Variants in ZMYND11 observed in about 807,000 individuals in gnomAD.
ZMYND11 encodes the protein zinc finger MYND domain-containing protein 11.
Under a neutral mutation model 84.9 loss-of-function variants are expected in ZMYND11, and 9 were observed. The observed-to-expected ratio is 0.11, with a 90% confidence interval of 0.06 to 0.18. The LOEUF (loss-of-function observed/expected upper bound fraction) is 0.18. Among genes scored for constraint, ZMYND11 ranks in the 10% least tolerant of loss-of-function variants. The pLI is 1.00. For missense variants in ZMYND11, 409 were observed against 761.0 expected (o/e 0.54, Z 5.44); for synonymous variants, 250 against 244.1 (o/e 1.02, Z -0.23).
intron 4 of ZMYND11, among the ~76,000 whole-genome samples, chr10:233,817 C>T (rs1280978736): frequency 6.6e-6 from 1 of 152,190 alleles, no homozygotes; most frequent in Non-Finnish European, 1.5e-5. Flanking sequence ...TTAAGGCACT[C>T]AGCATGAACT....
At chr10:200,386 CAA>C (rs1444974304) in intron 2 of ZMYND11, among the ~76,000 whole-genome samples, 1 of 142,876 alleles carries the variant, frequency 7.0e-6, no homozygotes, top group Admixed American at 7.1e-5. Flanking sequence ...GTATATATAA[CAA>C]TATATATTAT....
intron 1 of ZMYND11, among the ~76,000 whole-genome samples, chr10:165,386 A>G (rs1334713994): frequency 6.6e-5 from 10 of 152,066 alleles, no homozygotes; most frequent in African/African-American, 2.2e-4. Flanking sequence ...TCTAATCTAC[A>G]TTTATGGTTT....
intron 2 of ZMYND11, among the ~76,000 whole-genome samples, chr10:204,509 T>G (rs989701810): frequency 6.6e-6 from 1 of 152,186 alleles, no homozygotes; most frequent in African/African-American, 2.4e-5. Context: ...TTTAAATTAC[T>G]TAAAAAAGCA....
intron 4 of ZMYND11, 69 bp from the exon 5 acceptor site, chr10:236,769 C>G: frequency 7.3e-7 from 1 of 1,363,402 alleles, no homozygotes; most frequent in Non-Finnish European, 1.0e-6. Flanking sequence ...TCATATATGT[C>G]TTTTACATGA....
intron 1 of ZMYND11, among the ~76,000 whole-genome samples, chr10:175,978 C>G (rs1044659462): frequency 6.6e-6 from 1 of 152,224 alleles, no homozygotes; most frequent in South Asian, 2.1e-4. Flanking sequence ...TCCCTGCACC[C>G]TCAACTGTTC....
At chr10:166,465 A>G (rs1844044342) in intron 1 of ZMYND11, among the ~76,000 whole-genome samples, 1 of 152,102 alleles carries the variant, frequency 6.6e-6, no homozygotes, top group Non-Finnish European at 1.5e-5. Context: ...AGACATATAT[A>G]CATATCCAAT....
intron 4 of ZMYND11, among the ~76,000 whole-genome samples, chr10:236,556 T>C (rs999836888): frequency 6.6e-6 from 1 of 152,350 alleles, no homozygotes; most frequent in East Asian, 1.9e-4. Context: ...TATTTGTTTA[T>C]CTAAAAATTA....
intron 3 of ZMYND11, among the ~76,000 whole-genome samples, chr10:210,275 A>G (rs1944965843): frequency 6.6e-6 from 1 of 152,242 alleles, no homozygotes; most frequent in African/African-American, 2.4e-5. Flanking sequence ...CCTTGAATCT[A>G]AAAAAGAAAG....
intron 4 of ZMYND11, among the ~76,000 whole-genome samples, chr10:233,200 C>A (rs547670536): frequency 1.4e-4 from 21 of 147,216 alleles, no homozygotes; most frequent in African/African-American, 4.8e-4. Flanking sequence ...CCTGAGACAT[C>A]GGTGGGCTTT....
chr10:238,151 A>G lies in ZMYND11; in HGVS notation c.609+474A>G, dbSNP rs182398015. 2.6e-4 allele frequency among the ~76,000 whole-genome samples: 40 copies of G among 152,358 alleles called. No homozygotes were observed. In the East Asian group the frequency reaches 7.7e-3, roughly 29 times the overall value. On this transcript the variant is annotated intron_variant, in intron 6 of 14. Transcript: ENST00000381604. ...ATTCTTAAAGGTCTTAATTTTACCA[A>G]CTATAGCTGAGGATTGTTAGTTTGT...
intron 4 of ZMYND11, among the ~76,000 whole-genome samples, chr10:234,622 T>A (rs1275237067): frequency 6.6e-6 from 1 of 152,198 alleles, no homozygotes; most frequent in African/African-American, 2.4e-5. Flanking sequence ...ATATTTGAAA[T>A]CAGTTTTAAT....
At chr10:195,742 C>T (rs1941574127) in intron 2 of ZMYND11, among the ~76,000 whole-genome samples, 1 of 152,130 alleles carries the variant, frequency 6.6e-6, no homozygotes, top group Non-Finnish European at 1.5e-5. Flanking sequence ...GTGAGTGCCA[C>T]CAGGATGGGC....
intron 2 of ZMYND11, among the ~76,000 whole-genome samples, chr10:196,532 G>GA (rs1194216062): frequency 6.6e-6 from 1 of 151,958 alleles, no homozygotes; most frequent in African/African-American, 2.4e-5. Flanking sequence ...TATTTTGAAG[G>GA]AAAATCCATT....
intron 3 of ZMYND11, among the ~76,000 whole-genome samples, chr10:212,875 C>G (rs1405097893): frequency 5.3e-5 from 8 of 152,104 alleles, no homozygotes; most frequent in African/African-American, 1.7e-4. Flanking sequence ...AAGAGGTTTT[C>G]CATTAGAACA....
Position 252,540 on chromosome 10 carries a change from C to G in ZMYND11, c.*70C>G. ...CACAGCGGTTTTTGTTTCCAAGAAG[C>G]CAAAATTGTTTAGAATTTGCTTCCC... On this transcript the variant is annotated 3_prime_UTR_variant, in exon 15 of 15. Coordinates refer to ENST00000381604, the MANE Select transcript of ZMYND11 (RefSeq NM_001370100.5). This position sits in a 1 kb window ranked among gnomAD's most constrained non-coding sequence, Gnocchi z 4.6. 6.6e-7 allele frequency: 1 copy of G among 1,525,416 alleles called. No individual in the cohort carries two copies. The highest frequency in any genetic ancestry group is 8.8e-7 in the Non-Finnish European group (1 of 1,140,018). The allele number at this position is 1,525,416 out of a possible 1,614,324, so 94.5% of individuals were successfully genotyped here.
At chr10:187,398 G>T (rs1303556081) in intron 2 of ZMYND11, among the ~76,000 whole-genome samples, 7 of 152,172 alleles carry the variant, frequency 4.6e-5, no homozygotes, top group Admixed American at 2.0e-4. Context: ...ACTTTGGGAG[G>T]CCGAGGCGGG....
chr10:206,227 G>C (rs1009240637), intron 2 of ZMYND11, among the ~76,000 whole-genome samples: 24 of 152,246 alleles, frequency 1.6e-4, no homozygotes, highest in African/African-American at 5.5e-4. Context: ...AGGCGTGGTG[G>C]CCAGCACCTG....
chr10:202,402 A>G (rs1219546481), intron 2 of ZMYND11, among the ~76,000 whole-genome samples: 1 of 152,202 alleles, frequency 6.6e-6, no homozygotes, highest in Non-Finnish European at 1.5e-5. Flanking sequence ...AGGTTTAGAC[A>G]TTACTTTATG....
intron 2 of ZMYND11, among the ~76,000 whole-genome samples, chr10:199,271 C>G (rs369474964): frequency 1.9e-3 from 255 of 136,976 alleles, no homozygotes; most frequent in African/African-American, 6.8e-3. Flanking sequence ...CTCCCCATTC[C>G]CCTTCCCATC....
Sources: allele counts gnomAD v4.1 joint callset (sites outside exome capture counted in the v4.1 genomes callset), GRCh38; gene constraint gnomAD v4.1.1; non-coding constraint Gnocchi (gnomAD v3.1); transcripts MANE v1.5; gene names NCBI Gene and HGNC (gene_info 2026-07-23, HGNC 2026-07-21).